COL5A2: variants seen among roughly 807,000 people sequenced by gnomAD.
The protein encoded by COL5A2 is collagen alpha-2(V) chain.
COL5A2 carries 23 observed loss-of-function variants against 208.2 expected under a neutral mutation model. That is an observed-to-expected ratio of 0.11 (90% CI 0.08 to 0.16). COL5A2 has a LOEUF of 0.16. COL5A2 is among the 10% of genes least tolerant of loss of function. COL5A2 has a pLI of 1.00. For missense variants in COL5A2, 1,590 were observed against 1,956.4 expected (o/e 0.81, Z 3.53); for synonymous variants, 625 against 628.5 (o/e 0.99, Z 0.08).
intron 3 of COL5A2, among the ~76,000 whole-genome samples, chr2:189,100,862 T>C (rs1687033582): frequency 6.6e-6 from 1 of 152,034 alleles, no homozygotes; most frequent in Non-Finnish European, 1.5e-5. Context: ...TAGATGTAGA[T>C]AGAATTTATT....
At chr2:189,255,298 TA>T in the COL5A2 span, among the ~76,000 whole-genome samples, 1 of 152,358 alleles carries the variant, frequency 6.6e-6, no homozygotes, top group Admixed American at 6.5e-5. Context: ...ACTCTCTAAT[TA>T]TTAAAACAGT....
chr2:189,149,587 C>T (rs1343851345), intron 1 of COL5A2, among the ~76,000 whole-genome samples: 1 of 152,104 alleles, frequency 6.6e-6, no homozygotes, highest in African/African-American at 2.4e-5. Context: ...AAAAAAGTCA[C>T]ATATGAAAAA....
chr2:189,267,185 A>G, the COL5A2 span, among the ~76,000 whole-genome samples: 161 of 152,218 alleles, frequency 1.1e-3, 1 homozygote, highest in East Asian at 0.024. Context: ...GCATTTCTGT[A>G]AATATAAATA....
At chr2:189,151,002 G>A (rs1053855993) in intron 1 of COL5A2, among the ~76,000 whole-genome samples, 2 of 152,112 alleles carry the variant, frequency 1.3e-5, no homozygotes, top group African/African-American at 4.8e-5. Flanking sequence ...CATAAATATG[G>A]AGGACAGTAG....
chr2:189,369,806 T>A, the COL5A2 span, among the ~76,000 whole-genome samples: 1 of 152,118 alleles, frequency 6.6e-6, no homozygotes. Context: ...CCAACAATGG[T>A]TGGTTGGTTT....
chr2:189,093,762 T>C (rs1686840749), intron 6 of COL5A2, among the ~76,000 whole-genome samples: 1 of 152,198 alleles, frequency 6.6e-6, no homozygotes, highest in Non-Finnish European at 1.5e-5. Context: ...TCACACTTCA[T>C]TATACACAAC....
the COL5A2 span, among the ~76,000 whole-genome samples, chr2:189,312,463 C>A: frequency 5.9e-5 from 9 of 152,250 alleles, no homozygotes; most frequent in East Asian, 1.7e-3. Flanking sequence ...ACCGGCCGGG[C>A]GCCGTAGCTG....
chr2:189,072,170 G>C (rs80131484), intron 17 of COL5A2, 77 bp from the exon 18 acceptor site: 4 of 1,021,934 alleles, frequency 3.9e-6, no homozygotes, highest in Middle Eastern at 2.4e-4. Context: ...AGAGTTTGGC[G>C]TCATTTTGTA....
chr2:189,056,143 T>C lies in COL5A2; in HGVS notation c.2391+830A>G, dbSNP rs190862661. On this transcript the variant is annotated intron_variant, in intron 35 of 53. Transcript: ENST00000374866. ...TAATCTAAAGCTATTATAACCAATG[T>C]ATTAACAATGACTCAATGTGCAGAA... 7.4e-4 allele frequency among the ~76,000 whole-genome samples: 112 copies of C among 152,318 alleles called. 1 individual carries two copies. Among genetic ancestry groups the C allele is most frequent in the Non-Finnish European group, 1.2e-3 (82 of 68,018 alleles).
At chr2:189,041,554 C>A in intron 50 of COL5A2, 32 bp downstream of exon 50, 1 of 1,478,214 alleles carries the variant, frequency 6.8e-7, no homozygotes, top group African/African-American at 1.4e-5. Context: ...GAATAAATAG[C>A]ATTTCTTGCA....
At chr2:189,278,532 T>G in the COL5A2 span, among the ~76,000 whole-genome samples, 1 of 152,070 alleles carries the variant, frequency 6.6e-6, no homozygotes, top group Admixed American at 6.6e-5. Flanking sequence ...TTTTAGAATT[T>G]TTTCTTTGCC....
the COL5A2 span, among the ~76,000 whole-genome samples, chr2:189,315,175 C>T: frequency 6.6e-6 from 1 of 152,102 alleles, no homozygotes; most frequent in African/African-American, 2.4e-5. Flanking sequence ...AAATCCCCAA[C>T]AAAATACTGG....
chr2:189,052,094 TAATA>T lies in COL5A2; in HGVS notation c.2769+74_2769+77del, dbSNP rs968509176. On this transcript the variant is annotated intron_variant, in intron 41 of 53. Coordinates refer to ENST00000374866, the MANE Select transcript of COL5A2 (RefSeq NM_000393.5). ...CATACCATTAAGAAATTAAATAAAATAATAAATTTAACTCAAATGTATACGTGTG... is the reference window on the plus strand; with the variant it reads ...CATACCATTAAGAAATTAAATAAAATAATTTAACTCAAATGTATACGTGTG... 4.2e-5 allele frequency: 50 copies of T among 1,184,402 alleles called. No individual in the cohort carries two copies. The African/African-American group carries it at 7.3e-4, about 17-fold the overall frequency. The allele number at this position is 1,184,402 out of a possible 1,614,324, so 73.4% of individuals were successfully genotyped here.
the COL5A2 span, among the ~76,000 whole-genome samples, chr2:189,313,459 T>A: frequency 6.6e-6 from 1 of 152,138 alleles, no homozygotes; most frequent in African/African-American, 2.4e-5. Context: ...ATATGAAAAG[T>A]AAAGACCATT....
At chr2:189,154,679 CA>C in intron 1 of COL5A2, among the ~76,000 whole-genome samples, 1 of 152,230 alleles carries the variant, frequency 6.6e-6, no homozygotes, top group Admixed American at 6.5e-5. Flanking sequence ...CTAGGTTGCC[CA>C]GGCTGTTCTT....
At chr2:189,385,859 A>C in the COL5A2 span, among the ~76,000 whole-genome samples, 1 of 152,164 alleles carries the variant, frequency 6.6e-6, no homozygotes, top group Non-Finnish European at 1.5e-5. Flanking sequence ...AAGTTTATTC[A>C]TCTGTTCTCA....
the COL5A2 span, among the ~76,000 whole-genome samples, chr2:189,257,025 T>C: frequency 1.3e-5 from 2 of 152,366 alleles, no homozygotes; most frequent in East Asian, 3.9e-4. Context: ...TTTCCTATTA[T>C]AAACAATACT....
chr2:189,052,372 C>A, intron 40 of COL5A2, 147 bp from the exon 41 acceptor site: 1 of 781,308 alleles, frequency 1.3e-6, no homozygotes, highest in Admixed American at 2.3e-5. Flanking sequence ...CGTACGAATC[C>A]CATATTTTGG....
chr2:189,440,287 A>C, the COL5A2 span, among the ~76,000 whole-genome samples: 11 of 152,226 alleles, frequency 7.2e-5, no homozygotes, highest in African/African-American at 2.7e-4. Flanking sequence ...ATATGTTCTA[A>C]GAAATGCATT....
Sources: gnomAD v4.1 joint callset for allele counts (sites outside exome capture counted in the v4.1 genomes callset) on GRCh38, gnomAD v4.1.1 for gene constraint, MANE v1.5 for transcripts, NCBI Gene and HGNC (gene_info 2026-07-23, HGNC 2026-07-21) for gene names.